MXI1: variants seen among roughly 807,000 people sequenced by gnomAD.
The protein encoded by MXI1 is max-interacting protein 1.
In MXI1, 18 loss-of-function variants were observed where a neutral mutation model predicts 36.9. That is an observed-to-expected ratio of 0.49 (90% CI 0.34 to 0.72). The LOEUF (loss-of-function observed/expected upper bound fraction) is 0.72, where lower values mean the gene tolerates loss of function less well. MXI1 is among the 30% of genes least tolerant of loss of function. The pLI, the probability that MXI1 is intolerant of heterozygous loss-of-function variation, is 0.01. For missense variants in MXI1, 304 were observed against 379.1 expected (o/e 0.80, Z 1.64); for synonymous variants, 160 against 146.7 (o/e 1.09, Z -0.65).
chr10:110,207,739 T>TG lies in MXI1; in HGVS notation c.-65dup. ...TCTGCTCCAGCCGGCCGGGTCTCCCTGGGGGCCCGGAGCTCGGCCGGGCCG... is the reference window on the plus strand; with the variant it reads ...TCTGCTCCAGCCGGCCGGGTCTCCCTGGGGGGCCCGGAGCTCGGCCGGGCCG... On this transcript the variant is annotated 5_prime_UTR_variant, in exon 1 of 6. Transcript: ENST00000332674. 1 of 1,050,942 alleles carries TG rather than the reference T, an allele frequency of 9.5e-7. No homozygotes were observed. The highest frequency in any genetic ancestry group is 1.2e-6 in the Non-Finnish European group (1 of 861,348). The allele number at this position is 1,050,942 out of a possible 1,614,324, so 65.1% of individuals were successfully genotyped here. A position where few individuals can be genotyped will look rare whatever the true frequency, so the allele number is the denominator to read the frequency against.
intron 3 of MXI1, among the ~76,000 whole-genome samples, chr10:110,272,712 G>A (rs1411289552): frequency 2.0e-5 from 3 of 151,198 alleles, no homozygotes; most frequent in Non-Finnish European, 4.4e-5. Context: ...TATATTATAT[G>A]TAATTTGTAG....
chr10:110,276,704 G>A (rs1196702997), intron 3 of MXI1, among the ~76,000 whole-genome samples: 2 of 151,996 alleles, frequency 1.3e-5, no homozygotes, highest in Non-Finnish European at 2.9e-5. Flanking sequence ...TGATTAAAGA[G>A]AGAAAAAATT....
At chr10:110,208,673 G>A (rs1056495235) in intron 1 of MXI1, 3 of 151,756 alleles carry the variant, frequency 2.0e-5, no homozygotes, top group African/African-American at 4.9e-5. Context: ...CAGCAGGACT[G>A]GGCTCAGGCC....
intron 1 of MXI1, among the ~76,000 whole-genome samples, chr10:110,218,335 A>G (rs541141146): frequency 5.9e-4 from 89 of 152,100 alleles, no homozygotes; most frequent in African/African-American, 2.1e-3. Flanking sequence ...CTGTAGTCCC[A>G]GCTACTCGGG....
intron 3 of MXI1, among the ~76,000 whole-genome samples, chr10:110,259,850 A>T (rs1590384011): frequency 6.6e-6 from 1 of 152,100 alleles, no homozygotes; most frequent in African/African-American, 2.4e-5. Context: ...GGATTCAGTA[A>T]TGACAACAGA....
Position 110,285,514 on chromosome 10 carries a change from A to C in MXI1, c.*527A>C, listed in dbSNP as rs1262934282. 1.4e-5 allele frequency: 2 copies of C among 145,060 alleles called. No homozygotes were observed. Among genetic ancestry groups the C allele is most frequent in the African/African-American group, 5.2e-5 (2 of 38,542 alleles). 9.0% of individuals were successfully genotyped at this position (145,060 alleles called of 1,614,324 possible). On this transcript the variant is annotated 3_prime_UTR_variant, in exon 6 of 6. Coordinates refer to ENST00000332674, the MANE Select transcript of MXI1 (RefSeq NM_130439.3). ...TTTATCATGAAGCCTGTGGATGATC[A>C]ATCCTTTATTATTATTTTTTTTTTT...
At chr10:110,247,373 A>G (rs1238941954) in intron 3 of MXI1, among the ~76,000 whole-genome samples, 2 of 152,198 alleles carry the variant, frequency 1.3e-5, no homozygotes, top group African/African-American at 2.4e-5. Flanking sequence ...TTTGCTGTGC[A>G]GAAGCCCTTT....
At chr10:110,249,818 T>G (rs1259346766) in intron 3 of MXI1, among the ~76,000 whole-genome samples, 1 of 152,174 alleles carries the variant, frequency 6.6e-6, no homozygotes, top group Non-Finnish European at 1.5e-5. Context: ...TTCTCTGAGT[T>G]ATGATAAAAA....
At chr10:110,209,413 C>T (rs1590317380) in intron 1 of MXI1, among the ~76,000 whole-genome samples, 1 of 152,364 alleles carries the variant, frequency 6.6e-6, no homozygotes, top group South Asian at 2.1e-4. Context: ...CCACCCAACA[C>T]AACAACCCTC....
chr10:110,286,161 T>C lies in MXI1; in HGVS notation c.*1174T>C, dbSNP rs1489274746. ...GCTTTTAACCATCTGATATCTATAG[T>C]AGACACACTATCATAGTTAACATAG... On this transcript the variant is annotated 3_prime_UTR_variant, in exon 6 of 6. Coordinates refer to ENST00000332674, the MANE Select transcript of MXI1 (RefSeq NM_130439.3). 7.2e-6 allele frequency: 1 copy of C among 139,076 alleles called. No homozygotes were observed. The highest frequency in any genetic ancestry group is 1.6e-5 in the Non-Finnish European group (1 of 64,364). 8.6% of individuals were successfully genotyped at this position (139,076 alleles called of 1,614,324 possible).
intron 1 of MXI1, among the ~76,000 whole-genome samples, chr10:110,226,897 T>G (rs1419672926): frequency 2.9e-3 from 9 of 3,106 alleles, no homozygotes; most frequent in Admixed American, 8.3e-3. Flanking sequence ...TGCGCGCGTG[T>G]GAGGGAGGGG....
At chr10:110,279,084 G>A in intron 3 of MXI1, 96 bp from the exon 4 acceptor site, 3 of 949,966 alleles carry the variant, frequency 3.2e-6, no homozygotes, top group Non-Finnish European at 1.6e-6. Context: ...CCTATAGGCT[G>A]AATAAATGCA....
In MXI1 at chr10:110,228,277, A is replaced by G; in HGVS notation, c.363A>G (p.Ala121=). The part of the protein sequence containing the change: ...HSKPPRRLSR[A]QKHSSGSSNT... ...AGCCCCCACGGAGGTTGAGCCGGGC[A>G]CAGAAACACAGCAGCGGGAGCAGCA... Residue 121 remains alanine (A), a synonymous_variant, in exon 2 of 6, where the codon GCA becomes GCG. Coordinates refer to ENST00000332674, the MANE Select transcript of MXI1 (RefSeq NM_130439.3). 4.3e-6 allele frequency: 7 copies of G among 1,614,124 alleles called. No individual in the cohort carries two copies. The highest frequency in any genetic ancestry group is 4.2e-6 in the Non-Finnish European group (5 of 1,180,000).
chr10:110,218,305 C>A (rs530687865), intron 1 of MXI1, among the ~76,000 whole-genome samples: 13 of 152,016 alleles, frequency 8.6e-5, no homozygotes, highest in South Asian at 6.2e-4. Context: ...AAAAAATTAG[C>A]CGGGCGTGGT....
chr10:110,268,771 A>AG (rs1190079107), intron 3 of MXI1, among the ~76,000 whole-genome samples: 1 of 152,142 alleles, frequency 6.6e-6, no homozygotes, highest in Non-Finnish European at 1.5e-5. Flanking sequence ...AAAAAAAAAA[A>AG]GTGATACAGT....
chr10:110,215,956 C>T (rs892856067), intron 1 of MXI1, among the ~76,000 whole-genome samples: 2 of 152,208 alleles, frequency 1.3e-5, no homozygotes, highest in African/African-American at 4.8e-5. Flanking sequence ...TGCTCTCTGG[C>T]TCTTCTAACT....
chr10:110,210,107 T>A (rs892652682), intron 1 of MXI1: 1 of 237,544 alleles, frequency 4.2e-6, no homozygotes, highest in Non-Finnish European at 6.5e-6. Flanking sequence ...GGCTCCGGCG[T>A]GGCCACCAGT....
chr10:110,235,557 G>A (rs1298786941), intron 2 of MXI1, among the ~76,000 whole-genome samples: 5 of 150,220 alleles, frequency 3.3e-5, no homozygotes, highest in South Asian at 2.1e-4. Flanking sequence ...GCATGGTGGC[G>A]GGTGCCTGTA....
At chr10:110,216,133 G>A (rs926662029) in intron 1 of MXI1, among the ~76,000 whole-genome samples, 2 of 152,242 alleles carry the variant, frequency 1.3e-5, no homozygotes, top group Non-Finnish European at 2.9e-5. Context: ...GCAGAAGTGT[G>A]CTGGGCCCCT....
Sources: allele counts gnomAD v4.1 joint callset (sites outside exome capture counted in the v4.1 genomes callset), GRCh38; gene constraint gnomAD v4.1.1; transcripts MANE v1.5; gene names NCBI Gene and HGNC (gene_info 2026-07-23, HGNC 2026-07-21).